DNAI1: variants seen among roughly 807,000 people sequenced by gnomAD.
DNAI1 encodes dynein axonemal intermediate chain 1.
In DNAI1, 67 loss-of-function variants were observed where a neutral mutation model predicts 92.0. The observed-to-expected ratio is 0.73, with a 90% CI of 0.60 to 0.89. DNAI1 has a LOEUF of 0.89. DNAI1 is among the 40% of genes least tolerant of loss of function. The pLI is 0.00. For synonymous variants in DNAI1, 323 were observed against 319.6 expected (o/e 1.01, Z -0.11); for missense variants, 839 against 866.6 (o/e 0.97, Z 0.40).
chr9:34,513,493 T>C (rs1471826866), intron 16 of DNAI1, among the ~76,000 whole-genome samples: 2 of 152,096 alleles, frequency 1.3e-5, no homozygotes, highest in Non-Finnish European at 2.9e-5. Context: ...TTAGAATATT[T>C]TGGGAAAACT....
At chr9:34,479,573 A>G (rs764209286) in intron 1 of DNAI1, among the ~76,000 whole-genome samples, 61 of 152,188 alleles carry the variant, frequency 4.0e-4, no homozygotes, top group Non-Finnish European at 7.2e-4. Flanking sequence ...ACATATTTAC[A>G]GGGGGCAGCG....
At chr9:34,482,970 G>C (rs12000216) in intron 1 of DNAI1, among the ~76,000 whole-genome samples, 48 of 152,340 alleles carry the variant, frequency 3.2e-4, no homozygotes, top group African/African-American at 1.1e-3. Flanking sequence ...CAGCACTGCT[G>C]GGGGACTCAG....
At chr9:34,504,078 A>C (rs1184224535) in intron 12 of DNAI1, among the ~76,000 whole-genome samples, 1 of 152,156 alleles carries the variant, frequency 6.6e-6, no homozygotes, top group Non-Finnish European at 1.5e-5. Context: ...TGAGGCTATC[A>C]CACAGGAGAT....
intron 1 of DNAI1, among the ~76,000 whole-genome samples, chr9:34,474,814 G>T (rs375428811): frequency 6.6e-6 from 1 of 152,042 alleles, no homozygotes; most frequent in Admixed American, 6.6e-5. Context: ...TGATCTGCCC[G>T]CCTCGGCCTC....
intron 9 of DNAI1, among the ~76,000 whole-genome samples, chr9:34,496,639 T>G (rs1324878644): frequency 2.0e-5 from 3 of 152,208 alleles, no homozygotes; most frequent in Non-Finnish European, 4.4e-5. Flanking sequence ...CCTTGGTGCC[T>G]TCCTCAGCCT....
chr9:34,469,576 G>A (rs1231410403), intron 1 of DNAI1, among the ~76,000 whole-genome samples: 1 of 151,182 alleles, frequency 6.6e-6, no homozygotes, highest in African/African-American at 2.4e-5. Flanking sequence ...TTTTCTTTTT[G>A]TTGTTGTTTT....
At chr9:34,491,373 C>T in intron 7 of DNAI1, 122 bp from the exon 8 acceptor site, 2 of 975,068 alleles carry the variant, frequency 2.1e-6, no homozygotes, top group Non-Finnish European at 3.3e-6. Flanking sequence ...TTTACTTCCC[C>T]AGCTCTGTGT....
chr9:34,473,970 C>T (rs569398563), intron 1 of DNAI1, among the ~76,000 whole-genome samples: 1 of 152,242 alleles, frequency 6.6e-6, no homozygotes, highest in African/African-American at 2.4e-5. Context: ...TCAAGCATTC[C>T]TCCTGCCTAG....
chr9:34,459,450 C>T (rs7047317), intron 1 of DNAI1, among the ~76,000 whole-genome samples: 56,710 of 137,668 alleles, frequency 0.41, 12,237 homozygotes, highest in African/African-American at 0.55. Flanking sequence ...TTCTTTCTTT[C>T]TTTTTTTTTT....
intron 19 of DNAI1, among the ~76,000 whole-genome samples, chr9:34,518,107 C>T (rs952559644): frequency 1.3e-5 from 2 of 152,236 alleles, no homozygotes; most frequent in African/African-American, 2.4e-5. Flanking sequence ...CCAGGCTTTG[C>T]AGCCCGGGCC....
chr9:34,517,336 C>G lies in DNAI1; in HGVS notation c.1870C>G (p.Pro624Ala), dbSNP rs1564044348. 1 of 1,614,136 alleles carries G rather than the reference C, an allele frequency of 6.2e-7. No individual in the cohort carries two copies. The highest frequency in any genetic ancestry group is 1.7e-5 in the Admixed American group (1 of 60,010). Reference sequence around the variant, plus strand: ...CAAGTATGAGGCCATCTGCAACCAGCCTGTGGCGGCCAAAAAGAACAGGCT... The same window carrying G: ...CAAGTATGAGGCCATCTGCAACCAGGCTGTGGCGGCCAAAAAGAACAGGCT... ...INKYEAICNQ[P>A]VAAKKNRLTH... The change falls in exon 19 of 20, where the codon CCT (proline) becomes GCT (alanine). Residue 624 changes from proline (P) to alanine (A), a missense_variant. Coordinates refer to ENST00000242317, the MANE Select transcript of DNAI1 (RefSeq NM_012144.4).
In DNAI1 at chr9:34,506,891, G is replaced by C; in HGVS notation, c.1311+17G>C. ...GTGTGGCAGGTCAGCAACCAGGCTG[G>C]GAGGGGTGGGGATGGGAGCAGCATG... On this transcript the variant is annotated intron_variant, in intron 13 of 19. Coordinates refer to ENST00000242317, the MANE Select transcript of DNAI1 (RefSeq NM_012144.4). 1 of 1,611,482 alleles carries C rather than the reference G, an allele frequency of 6.2e-7. No individual in the cohort carries two copies. The highest frequency in any genetic ancestry group is 8.5e-7 in the Non-Finnish European group (1 of 1,178,918).
chr9:34,491,523 C>G lies in DNAI1; in HGVS notation c.650C>G (p.Pro217Arg). ...CGAGAATGCCAGACGGAGCCTCCTCCCAGGACAAACTTTTCAGCCACAGCC... is the reference window on the plus strand; with the variant it reads ...CGAGAATGCCAGACGGAGCCTCCTCGCAGGACAAACTTTTCAGCCACAGCC... ...RDRECQTEPP[P>R]RTNFSATANQ... is the part of the protein sequence containing the mutation. Residue 217 changes from proline (P) to arginine (R), a missense_variant, in exon 8 of 20, where the codon CCC becomes CGC. Transcript: ENST00000242317. The G allele has an allele frequency of 6.2e-7, 1 of 1,614,196 alleles. No individual in the cohort carries two copies. The highest frequency in any genetic ancestry group is 1.6e-4 in the Middle Eastern group (1 of 6,062).
chr9:34,510,552 T>C (rs1423223841), intron 13 of DNAI1, among the ~76,000 whole-genome samples: 2 of 152,132 alleles, frequency 1.3e-5, no homozygotes, highest in Non-Finnish European at 2.9e-5. Context: ...CCTCCCTCTT[T>C]TGCTTTATTC....
chr9:34,506,229 A>G (rs1026395351), intron 12 of DNAI1, among the ~76,000 whole-genome samples: 1 of 152,146 alleles, frequency 6.6e-6, no homozygotes, highest in African/African-American at 2.4e-5. Flanking sequence ...GGAGGGGTAC[A>G]TGGGCATTAT....
intron 13 of DNAI1, among the ~76,000 whole-genome samples, chr9:34,507,206 G>A (rs1824953642): frequency 6.6e-6 from 1 of 152,114 alleles, no homozygotes; most frequent in Non-Finnish European, 1.5e-5. Context: ...TGAGTACAGT[G>A]GGCCCTTAGA....
chr9:34,505,947 A>G (rs1824918579), intron 12 of DNAI1, among the ~76,000 whole-genome samples: 1 of 152,188 alleles, frequency 6.6e-6, no homozygotes, highest in Non-Finnish European at 1.5e-5. Flanking sequence ...AAAATGAAAG[A>G]AAGAGTGGGA....
At chr9:34,500,863 T>A (rs1291725212) in intron 11 of DNAI1, 24 bp downstream of exon 11, 1 of 1,588,700 alleles carries the variant, frequency 6.3e-7, no homozygotes, top group Admixed American at 1.7e-5. Context: ...TTGCAGCAAA[T>A]GCAGAGCCCC....
At chr9:34,518,783 G>T (rs1564045093) in intron 19 of DNAI1, among the ~76,000 whole-genome samples, 1 of 151,900 alleles carries the variant, frequency 6.6e-6, no homozygotes, top group Non-Finnish European at 1.5e-5. Context: ...AGCCTGCCCT[G>T]CCCACTCTGA....
Sources: gnomAD v4.1 joint callset for allele counts (sites outside exome capture counted in the v4.1 genomes callset) on GRCh38, gnomAD v4.1.1 for gene constraint, MANE v1.5 for transcripts, NCBI Gene and HGNC (gene_info 2026-07-23, HGNC 2026-07-21) for gene names.